CRB1: variants seen among roughly 807,000 people sequenced by gnomAD.
CRB1 encodes crumbs cell polarity complex component 1, also known as protein crumbs homolog 1.
CRB1 carries 83 observed loss-of-function variants against 120.0 expected under a neutral mutation model. That is an observed-to-expected ratio of 0.69 (90% CI 0.58 to 0.83). CRB1 has a LOEUF of 0.83. CRB1 is among the 40% of genes least tolerant of loss of function. The probability of loss-of-function intolerance (pLI) is 0.00; values close to 1 mark genes in which losing one functional copy is unlikely to be tolerated. For missense variants in CRB1, 1,699 were observed against 1,687.6 expected (o/e 1.01, Z -0.12); for synonymous variants, 625 against 612.5 (o/e 1.02, Z -0.30).
rs1666585851 is a variant in CRB1 at position 197,462,764 on chromosome 1, C to A, written c.4006-14900C>A. On this transcript the variant is annotated intron_variant, in intron 11 of 11. Coordinates refer to ENST00000367400, the MANE Select transcript of CRB1 (RefSeq NM_201253.3). ...GTAATCTAAGCATTGATTCAAGAAC[C>A]TGCTGATGGAGTGAAAATACATGGA... is the stretch of plus-strand genomic sequence containing the variant. 2.0e-5 allele frequency among the ~76,000 whole-genome samples: 3 copies of A among 152,124 alleles called. No individual in the cohort carries two copies. The South Asian group carries it at 6.2e-4, about 31-fold the overall frequency.
chr1:197,295,282 G>T (rs946231725), intron 1 of CRB1, among the ~76,000 whole-genome samples: 1 of 151,944 alleles, frequency 6.6e-6, no homozygotes, highest in South Asian at 2.1e-4. Context: ...GTGCTGGATT[G>T]TGTCGTCAGG....
At chr1:197,238,241 T>C in the CRB1 span, among the ~76,000 whole-genome samples, 1 of 152,190 alleles carries the variant, frequency 6.6e-6, no homozygotes, top group African/African-American at 2.4e-5. Context: ...TAAGTTTACA[T>C]TCCAGTTCCA....
At chr1:197,302,943 G>C (rs976964986) in intron 1 of CRB1, among the ~76,000 whole-genome samples, 3 of 152,046 alleles carry the variant, frequency 2.0e-5, no homozygotes, top group Non-Finnish European at 4.4e-5. Context: ...CTTTCCCAAG[G>C]CACCACAAAT....
intron 11 of CRB1, among the ~76,000 whole-genome samples, chr1:197,475,996 G>C (rs144732410): frequency 6.6e-6 from 1 of 151,990 alleles, no homozygotes; most frequent in Non-Finnish European, 1.5e-5. Flanking sequence ...ATCAACCTCC[G>C]CATCTCGGGT....
rs751303205 is a variant in CRB1, at chr1:197,435,084, T to C, written c.3221T>C (p.Leu1074Ser). 1.9e-6 allele frequency: 3 copies of C among 1,613,926 alleles called. No homozygotes were observed. The highest frequency in any genetic ancestry group is 2.5e-6 in the Non-Finnish European group (3 of 1,179,890). Residue 1074 changes from leucine (L) to serine (S), a missense_variant, in exon 9 of 12, where the codon TTG becomes TCG. Transcript: ENST00000367400. ...STIATGSLNF[L>S]KDNTDIYVGD... ...ATTGCTACTGGAAGCCTCAACTTTTTGAAGGATAATACAGATATTTATGTG... is the reference window on the plus strand; with the variant it reads ...ATTGCTACTGGAAGCCTCAACTTTTCGAAGGATAATACAGATATTTATGTG...
chr1:197,330,504 G>A (rs150890032), intron 2 of CRB1, among the ~76,000 whole-genome samples: 444 of 152,258 alleles, frequency 2.9e-3, no homozygotes, highest in Non-Finnish European at 5.1e-3. Context: ...TTCCACCGAA[G>A]CCTTCTATTT....
chr1:197,226,837 AG>A, the CRB1 span, among the ~76,000 whole-genome samples: 1 of 152,302 alleles, frequency 6.6e-6, no homozygotes, highest in Non-Finnish European at 1.5e-5. Flanking sequence ...AGGAGGTGAA[AG>A]GCACTTCTTA....
intron 1 of CRB1, among the ~76,000 whole-genome samples, chr1:197,319,454 A>AAG (rs1553247860): frequency 0.011 from 1,553 of 140,306 alleles, 171 homozygotes; most frequent in African/African-American, 0.045. Context: ...AAAAAAAAAA[A>AAG]AAAAGAAAGA....
intron 1 of CRB1, among the ~76,000 whole-genome samples, chr1:197,293,277 C>G (rs367990374): frequency 6.6e-6 from 1 of 152,060 alleles, no homozygotes; most frequent in East Asian, 1.9e-4. Context: ...AACAGACAAA[C>G]AGAGAGCCAA....
intron 11 of CRB1, among the ~76,000 whole-genome samples, chr1:197,471,240 T>C (rs570243407): frequency 1.3e-5 from 2 of 152,260 alleles, no homozygotes; most frequent in South Asian, 4.1e-4. Flanking sequence ...AGCATAGTTA[T>C]AAGAAATTGT....
chr1:197,276,971 T>C (rs1275545538), intron 1 of CRB1, among the ~76,000 whole-genome samples: 1 of 151,936 alleles, frequency 6.6e-6, no homozygotes, highest in Non-Finnish European at 1.5e-5. Flanking sequence ...AGCTTATTTA[T>C]TCCAAAAGAT....
At chr1:197,279,692 A>G (rs1402702908) in intron 1 of CRB1, among the ~76,000 whole-genome samples, 1 of 151,790 alleles carries the variant, frequency 6.6e-6, no homozygotes, top group Non-Finnish European at 1.5e-5. Context: ...CAAAGTTTGC[A>G]TAAACGTAGT....
chr1:197,456,874 C>T (rs1392362861), intron 11 of CRB1, among the ~76,000 whole-genome samples: 3 of 152,102 alleles, frequency 2.0e-5, no homozygotes, highest in Admixed American at 6.6e-5. Context: ...GCAGGTTATA[C>T]TCAATTTGCT....
intron 11 of CRB1, among the ~76,000 whole-genome samples, chr1:197,446,641 C>T (rs1665714325): frequency 6.6e-6 from 1 of 152,106 alleles, no homozygotes; most frequent in South Asian, 2.1e-4. Context: ...AAAAGAAAGG[C>T]AAGACTGGAC....
At position 197,364,036 on chromosome 1, in the gene CRB1, T is replaced by A. The variant is rs183974706; in HGVS notation, c.1171+7023T>A. The A allele has an allele frequency of 2.1e-4, 291 of 1,377,354 alleles. 1 individual carries two copies. The African/African-American group carries it at 2.8e-3, about 13-fold the overall frequency. The allele number at this position is 1,377,354 out of a possible 1,614,324, so 85.3% of individuals were successfully genotyped here. On this transcript the variant is annotated intron_variant, in intron 5 of 11. Transcript: ENST00000367400. ...TATGGAAATGGCTCACAAGATCAAC[T>A]TCTTGATGCGAAAGAATCAGGCAGA...
chr1:197,357,611 A>T (rs1303135225), intron 5 of CRB1: 1 of 162,410 alleles, frequency 6.2e-6, no homozygotes, highest in East Asian at 1.7e-4. Context: ...CCAATTCATT[A>T]ATGGCTAGCA....
chr1:197,371,348 A>T (rs983570507), intron 5 of CRB1, among the ~76,000 whole-genome samples: 3 of 152,142 alleles, frequency 2.0e-5, no homozygotes, highest in African/African-American at 4.8e-5. Flanking sequence ...GTGTCACTTT[A>T]AATTTATGGT....
chr1:197,310,257 C>A (rs561855690), intron 1 of CRB1, among the ~76,000 whole-genome samples: 2 of 152,258 alleles, frequency 1.3e-5, no homozygotes, highest in East Asian at 1.9e-4. Flanking sequence ...GAATGAGAAG[C>A]CTCACTGGGT....
chr1:197,264,079 T>G (rs1033298439), upstream of CRB1, among the ~76,000 whole-genome samples: 5 of 152,208 alleles, frequency 3.3e-5, no homozygotes, highest in Admixed American at 2.6e-4. Context: ...CCATCACCAA[T>G]GTACATTATA....
Sources: allele counts gnomAD v4.1 joint callset (sites outside exome capture counted in the v4.1 genomes callset), GRCh38; gene constraint gnomAD v4.1.1; transcripts MANE v1.5; gene names NCBI Gene and HGNC (gene_info 2026-07-23, HGNC 2026-07-21).